ANXA8: variants seen among roughly 807,000 people sequenced by gnomAD.
The protein encoded by ANXA8 is annexin A8.
In ANXA8, 9 loss-of-function variants were observed where a neutral mutation model predicts 26.8. That is an observed-to-expected ratio of 0.34 (90% CI 0.20 to 0.59). The LOEUF (loss-of-function observed/expected upper bound fraction) is 0.59. Ranked by LOEUF, ANXA8 falls within the 20% of genes least tolerant of loss-of-function variation. ANXA8 has a pLI of 0.84. For missense variants in ANXA8, 83 were observed against 238.5 expected, an observed-to-expected ratio of 0.35 and a Z score of 4.29; for synonymous variants, 39 against 94.8, an observed-to-expected ratio of 0.41 and a Z score of 3.42.
the ANXA8 span, among the ~76,000 whole-genome samples, chr10:47,513,138 G>T: frequency 2.7e-5 from 4 of 149,028 alleles, no homozygotes; most frequent in African/African-American, 7.4e-5. Flanking sequence ...AGGTTCAAGC[G>T]ATTCTCCTGC....
the ANXA8 span, chr10:47,491,623 C>T: frequency 1.4e-5 from 22 of 1,535,110 alleles, no homozygotes; most frequent in Middle Eastern, 4.6e-4. Flanking sequence ...GTGGCCTTCT[C>T]GGTGCGGTGG....
At chr10:47,649,607 C>G in the ANXA8 span, among the ~76,000 whole-genome samples, 1 of 151,550 alleles carries the variant, frequency 6.6e-6, no homozygotes, top group African/African-American at 2.4e-5. Flanking sequence ...TGGGGTTTCA[C>G]CATATTGGCC....
At chr10:47,549,044 T>A in the ANXA8 span, among the ~76,000 whole-genome samples, 1 of 152,228 alleles carries the variant, frequency 6.6e-6, no homozygotes, top group Admixed American at 6.5e-5. Context: ...CTGTGTTCAT[T>A]AAAGGTTTTC....
At chr10:47,510,054 A>G in the ANXA8 span, 12,890 of 1,484,902 alleles carry the variant, frequency 8.7e-3, 2,185 homozygotes, top group African/African-American at 0.2. Flanking sequence ...TCAGAATCTG[A>G]ATATCAATAT....
chr10:47,501,054 T>C, the ANXA8 span, among the ~76,000 whole-genome samples: 2 of 144,020 alleles, frequency 1.4e-5, no homozygotes, highest in Non-Finnish European at 3.0e-5. Context: ...CCACCACACC[T>C]GGCTAATTTT....
chr10:47,649,479 G>T, the ANXA8 span, among the ~76,000 whole-genome samples: 1 of 151,314 alleles, frequency 6.6e-6, no homozygotes, highest in African/African-American at 2.4e-5. Flanking sequence ...TGCCATCTTG[G>T]TTCACTGCAA....
At chr10:47,698,736 G>A in the ANXA8 span, among the ~76,000 whole-genome samples, 3 of 152,154 alleles carry the variant, frequency 2.0e-5, no homozygotes, top group Non-Finnish European at 4.4e-5. Context: ...CAGCTACTGG[G>A]GAGGCTTAAG....
the ANXA8 span, among the ~76,000 whole-genome samples, chr10:47,978,029 A>G: frequency 6.6e-6 from 1 of 151,652 alleles, no homozygotes. Flanking sequence ...TCAAAAGCCA[A>G]TGACAAAAAG....
At chr10:47,717,720 G>T in the ANXA8 span, among the ~76,000 whole-genome samples, 1 of 147,530 alleles carries the variant, frequency 6.8e-6, no homozygotes, top group Admixed American at 6.7e-5. Flanking sequence ...TTTTTAGGCT[G>T]GGCAGGGTGG....
At chr10:47,665,027 G>A in the ANXA8 span, among the ~76,000 whole-genome samples, 3 of 146,588 alleles carry the variant, frequency 2.0e-5, no homozygotes, top group South Asian at 6.3e-4. Context: ...ACACCCAGTT[G>A]AGAAATACTG....
At chr10:47,686,942 T>C in the ANXA8 span, among the ~76,000 whole-genome samples, 1 of 151,470 alleles carries the variant, frequency 6.6e-6, no homozygotes, top group Admixed American at 6.6e-5. Flanking sequence ...GTTGGTTTTA[T>C]TTTTAAAGAT....
chr10:47,533,310 T>C, the ANXA8 span, among the ~76,000 whole-genome samples: 3 of 147,062 alleles, frequency 2.0e-5, no homozygotes, highest in Non-Finnish European at 4.5e-5. Context: ...GGTCCATCAC[T>C]GCCCTTTCTG....
chr10:47,556,437 A>G, the ANXA8 span, among the ~76,000 whole-genome samples: 1 of 151,954 alleles, frequency 6.6e-6, no homozygotes, highest in Admixed American at 6.5e-5. Flanking sequence ...AACTAGCATC[A>G]TTTCCGTTTC....
At chr10:47,954,402 T>A in the ANXA8 span, among the ~76,000 whole-genome samples, 1 of 151,014 alleles carries the variant, frequency 6.6e-6, no homozygotes, top group African/African-American at 2.4e-5. Context: ...GGGAAAAGGT[T>A]GTGGGTGTGG....
the ANXA8 span, among the ~76,000 whole-genome samples, chr10:47,673,295 C>T: frequency 4.0e-5 from 6 of 151,544 alleles, no homozygotes; most frequent in African/African-American, 1.5e-4. Context: ...GGCAACCACC[C>T]TTAGAAGGCA....
the ANXA8 span, among the ~76,000 whole-genome samples, chr10:47,743,279 CACACATATATATATACACAT>C: frequency 3.4e-5 from 1 of 29,370 alleles, no homozygotes; most frequent in Admixed American, 4.9e-4. Flanking sequence ...TATATATATA[CACACATATATATATACACAT>C]ATATATATAT....
chr10:47,621,688 G>A, the ANXA8 span, among the ~76,000 whole-genome samples: 3 of 105,472 alleles, frequency 2.8e-5, 1 homozygote, highest in South Asian at 3.2e-4. Flanking sequence ...AATTAACCTG[G>A]CTGCTCTGAC....
intron 4 of ANXA8, among the ~76,000 whole-genome samples, chr10:47,476,528 T>C (rs1839546269): frequency 7.9e-6 from 1 of 125,796 alleles, no homozygotes; most frequent in South Asian, 2.8e-4. Context: ...GTCTCAGCTC[T>C]CCCTCCTTAG....
chr10:47,645,968 A>C, the ANXA8 span, among the ~76,000 whole-genome samples: 2 of 148,944 alleles, frequency 1.3e-5, no homozygotes, highest in African/African-American at 5.2e-5. Flanking sequence ...TGCAGGCAGG[A>C]GATTGTGGAA....
Sources: gnomAD v4.1 joint callset for allele counts (sites outside exome capture counted in the v4.1 genomes callset) on GRCh38, gnomAD v4.1.1 for gene constraint, MANE v1.5 for transcripts, NCBI Gene and HGNC (gene_info 2026-07-23, HGNC 2026-07-21) for gene names.